The following SLC39A11 variants were observed in gnomAD, a reference collection of about 807,000 sequenced individuals.
SLC39A11 encodes zinc transporter ZIP11.
SLC39A11 carries 33 observed loss-of-function variants against 36.1 expected under a neutral mutation model. The ratio of observed to expected loss-of-function variants is 0.91; its 90% CI spans 0.69 to 1.22. The LOEUF is 1.22. Among genes scored for constraint, SLC39A11 ranks in the 50% most tolerant of loss-of-function variants. The pLI, the probability that SLC39A11 is intolerant of heterozygous loss-of-function variation, is 0.00. For synonymous variants in SLC39A11, 166 were observed against 170.3 expected (o/e 0.97, Z 0.20); for missense variants, 432 against 430.3 (o/e 1.00, Z -0.03).
At chr17:73,007,694 G>T (rs1242868338) in intron 4 of SLC39A11, among the ~76,000 whole-genome samples, 2 of 152,092 alleles carry the variant, frequency 1.3e-5, no homozygotes, top group South Asian at 2.1e-4. Context: ...AAGGAGGGAG[G>T]GGCCAGGAGG....
intron 3 of SLC39A11, among the ~76,000 whole-genome samples, chr17:73,055,938 G>A (rs1362136958): frequency 6.6e-6 from 1 of 152,086 alleles, no homozygotes; most frequent in Non-Finnish European, 1.5e-5. Context: ...TTCCGGTTCT[G>A]TGGGCTGCCT....
intron 4 of SLC39A11, among the ~76,000 whole-genome samples, chr17:72,970,236 C>T (rs568499591): frequency 6.6e-6 from 1 of 152,348 alleles, no homozygotes; most frequent in South Asian, 2.1e-4. Context: ...CTCTGCCTCC[C>T]TCCAGAAACA....
chr17:72,700,813 G>A (rs1049525754), intron 7 of SLC39A11, among the ~76,000 whole-genome samples: 5 of 152,170 alleles, frequency 3.3e-5, no homozygotes, highest in Admixed American at 3.3e-4. Flanking sequence ...CAAGCGAAAC[G>A]GGTTTCCCCT....
chr17:73,002,510 G>A (rs533265982), intron 4 of SLC39A11, among the ~76,000 whole-genome samples: 1 of 152,288 alleles, frequency 6.6e-6, no homozygotes, highest in South Asian at 2.1e-4. Context: ...ATGACCAAAA[G>A]GTATTAGCCA....
At chr17:72,803,582 C>T (rs1023121193) in intron 6 of SLC39A11, among the ~76,000 whole-genome samples, 3 of 152,210 alleles carry the variant, frequency 2.0e-5, no homozygotes, top group African/African-American at 7.2e-5. Context: ...CAAAGAGAGG[C>T]TCCTTCCAGG....
intron 6 of SLC39A11, among the ~76,000 whole-genome samples, chr17:72,834,579 G>A (rs1050030710): frequency 3.3e-5 from 5 of 151,758 alleles, no homozygotes; most frequent in South Asian, 2.1e-4. Context: ...CTGAGATTGC[G>A]CCACTGCACT....
intron 5 of SLC39A11, among the ~76,000 whole-genome samples, chr17:72,867,140 GGGA>G (rs1448508441): frequency 6.6e-6 from 1 of 152,178 alleles, no homozygotes. Context: ...CTGATTGGTA[GGGA>G]GGAGGGGAGA....
intron 7 of SLC39A11, among the ~76,000 whole-genome samples, chr17:72,674,443 C>T (rs1390856821): frequency 6.6e-6 from 1 of 152,148 alleles, no homozygotes; most frequent in Admixed American, 6.5e-5. Context: ...ATCCACTCTC[C>T]CACATATGGG....
At chr17:72,782,172 AGAG>A (rs752078330) in intron 6 of SLC39A11, among the ~76,000 whole-genome samples, 26 of 152,288 alleles carry the variant, frequency 1.7e-4, no homozygotes. Context: ...AGAGACACCC[AGAG>A]GAGAAGACAA....
intron 4 of SLC39A11, among the ~76,000 whole-genome samples, chr17:73,006,869 G>T: frequency 6.6e-6 from 1 of 152,152 alleles, no homozygotes; most frequent in Admixed American, 6.5e-5. Flanking sequence ...GGGGGCCTCA[G>T]CATCTCCATG....
At chr17:73,036,633 G>A (rs994748699) in intron 3 of SLC39A11, among the ~76,000 whole-genome samples, 2 of 152,094 alleles carry the variant, frequency 1.3e-5, no homozygotes, top group African/African-American at 4.8e-5. Context: ...TTTTAGTAGA[G>A]ATGGGTTTTC....
At chr17:72,947,545 T>G in intron 5 of SLC39A11, 1 of 694,784 alleles carries the variant, frequency 1.4e-6, no homozygotes. Context: ...AGACTAAGCA[T>G]GTGGTTTGGA....
chr17:72,806,320 C>G (rs1048095749), intron 6 of SLC39A11, among the ~76,000 whole-genome samples: 1 of 152,060 alleles, frequency 6.6e-6, no homozygotes, highest in Non-Finnish European at 1.5e-5. Context: ...ATAGAAAATT[C>G]TAGGTTTAAT....
intron 3 of SLC39A11, among the ~76,000 whole-genome samples, chr17:73,054,734 A>G (rs1266293579): frequency 4.0e-5 from 6 of 150,040 alleles, no homozygotes; most frequent in Non-Finnish European, 5.9e-5. Flanking sequence ...CTTGAACCTG[A>G]GAGGCACAGG....
intron 4 of SLC39A11, among the ~76,000 whole-genome samples, chr17:72,957,716 G>C (rs933579464): frequency 5.3e-5 from 8 of 152,162 alleles, no homozygotes; most frequent in African/African-American, 1.4e-4. Context: ...CTACTGGGGA[G>C]GCTGAGGCAG....
intron 4 of SLC39A11, among the ~76,000 whole-genome samples, chr17:73,028,400 T>A (rs1214164889): frequency 6.6e-6 from 1 of 152,006 alleles, no homozygotes; most frequent in Non-Finnish European, 1.5e-5. Flanking sequence ...GTGAGCAAAT[T>A]AATAGTGAAA....
chr17:73,026,534 A>AAAAG (rs761535316), intron 4 of SLC39A11, among the ~76,000 whole-genome samples: 2 of 148,224 alleles, frequency 1.3e-5, no homozygotes, highest in Admixed American at 6.7e-5. Flanking sequence ...AAAAAAAAAA[A>AAAAG]GAAAGAAAGA....
At chr17:73,067,889 C>A in intron 3 of SLC39A11, 2 of 1,607,908 alleles carry the variant, frequency 1.2e-6, no homozygotes, top group Non-Finnish European at 1.7e-6. Context: ...CTGAGACTTG[C>A]AGTAATGTAA....
chr17:72,905,748 GAACTC>G (rs1405329342), intron 5 of SLC39A11, among the ~76,000 whole-genome samples: 5 of 151,490 alleles, frequency 3.3e-5, no homozygotes, highest in African/African-American at 9.7e-5. Context: ...GCATGAAGAA[GAACTC>G]AACTCTTTTT....
Sources: gnomAD v4.1 joint callset for allele counts (sites outside exome capture counted in the v4.1 genomes callset) on GRCh38, gnomAD v4.1.1 for gene constraint, MANE v1.5 for transcripts, NCBI Gene and HGNC (gene_info 2026-07-23, HGNC 2026-07-21) for gene names.